LRP2: variants seen among roughly 807,000 people sequenced by gnomAD.
LRP2 encodes LDL receptor related protein 2.
Under a neutral mutation model 531.0 loss-of-function variants are expected in LRP2, and 172 were observed. The ratio of observed to expected loss-of-function variants is 0.32; its 90% CI spans 0.29 to 0.37. LRP2 has a LOEUF of 0.37. Among genes scored for constraint, LRP2 ranks in the 10% least tolerant of loss-of-function variants. LRP2 has a pLI of 1.00. For synonymous variants in LRP2, 1,992 were observed against 2,027.6 expected (o/e 0.98, Z 0.47); for missense variants, 5,167 against 5,868.3 (o/e 0.88, Z 3.90).
intron 34 of LRP2, among the ~76,000 whole-genome samples, chr2:169,217,831 A>G (rs944329035): frequency 1.8e-4 from 27 of 152,090 alleles, no homozygotes; most frequent in Admixed American, 1.4e-3. Flanking sequence ...TTGATCTTTC[A>G]TCTGCTGCTA....
Position 169,128,974 on chromosome 2 carries a change from G to T in LRP2, c.13800+39C>A, listed in dbSNP as rs757881928. The T allele has an allele frequency of 4.4e-5, 69 of 1,564,446 alleles. No individual in the cohort carries two copies. The East Asian group carries it at 1.5e-3, about 35-fold the overall frequency. On this transcript the variant is annotated intron_variant, in intron 78 of 78. Coordinates refer to ENST00000649046, the MANE Select transcript of LRP2 (RefSeq NM_004525.3). ...ATTTAACCAAGCAAATAATTTCTAA[G>T]AAAAAATGTCTGTGCTAAGAAAAAT...
At chr2:169,233,359 G>A in intron 30 of LRP2, 52 bp downstream of exon 30, 1 of 1,591,202 alleles carries the variant, frequency 6.3e-7, no homozygotes, top group Non-Finnish European at 8.6e-7. Context: ...CATTCCCAGG[G>A]TCAGTGTTTT....
At chr2:169,286,698 G>C (rs999807312) in intron 9 of LRP2, among the ~76,000 whole-genome samples, 6 of 152,142 alleles carry the variant, frequency 3.9e-5, no homozygotes, top group Non-Finnish European at 5.9e-5. Context: ...ACAAAAAACT[G>C]AGAACAGCTT....
rs375863623 is a variant in LRP2 at position 169,288,995 on chromosome 2, A to G, written c.1042+31T>C. ...GCACCCATCAGTGTACTGTAATGAA[A>G]GACAAGTAGCCGCCGCCCCCCATCA... On this transcript the variant is annotated intron_variant, in intron 9 of 78. Transcript: ENST00000649046. 92 of 1,613,138 alleles carry G rather than the reference A, an allele frequency of 5.7e-5. No homozygotes were observed. The East Asian group carries it at 1.8e-3, about 31-fold the overall frequency.
chr2:169,339,386 A>C (rs922434794), intron 1 of LRP2, among the ~76,000 whole-genome samples: 1 of 152,204 alleles, frequency 6.6e-6, no homozygotes, highest in Non-Finnish European at 1.5e-5. Flanking sequence ...TAGAAAAATA[A>C]AACTTAATTC....
chr2:169,156,156 TAA>T, intron 65 of LRP2, 116 bp downstream of exon 65: 2 of 1,393,134 alleles, frequency 1.4e-6, no homozygotes, highest in Non-Finnish European at 2.0e-6. Flanking sequence ...CTGGCGAGTT[TAA>T]AAAAAAAGAA....
At chr2:169,242,804 C>G in intron 24 of LRP2, 152 bp downstream of exon 24, 1 of 742,204 alleles carries the variant, frequency 1.3e-6, no homozygotes, top group Non-Finnish European at 2.5e-6. Flanking sequence ...AATGTCTACT[C>G]AATTTTACTG....
In LRP2 at chr2:169,238,258, T is replaced by G. The variant is rs764577743; in HGVS notation, c.4339A>C (p.Ile1447Leu). 2.8e-5 allele frequency: 46 copies of G among 1,614,050 alleles called. No homozygotes were observed. Among genetic ancestry groups the G allele is most frequent in the Non-Finnish European group, 3.1e-5 (36 of 1,180,020 alleles). ...ACCTGGGAGGTGACACTGTCGGCAA[T>G]AATTTTGTTCTGACTTGCCACAAGT... ...LLLVASQNKI[I>L]ADSVTSQVHN... The change falls in exon 27 of 79, where the codon ATT (isoleucine) becomes CTT (leucine). Residue 1447 changes from isoleucine (I) to leucine (L), a missense_variant. Ile to Leu is a conservative substitution (Grantham distance 5, BLOSUM62 2). Transcript: ENST00000649046.
chr2:169,238,166 A>C lies in LRP2; in HGVS notation c.4431T>G (p.Ser1477Arg). The change falls in exon 27 of 79, where the codon AGT (serine) becomes AGG (arginine). Residue 1477 changes from serine (S) to arginine (R), a missense_variant. Physicochemically the swap from Ser to Arg is moderately radical, Grantham distance 110. Around this residue, in one of 6 missense-constraint regions of LRP2, gnomAD observed 2,811 missense variants for 3,058.0 expected, o/e 0.92. Transcript: ENST00000649046. ...TTGCATCAGACCAAAAGATACGACC[A>C]CTAATTGAATCAAAATCAACAGCTA... ...YIVAVDFDSI[S>R]GRIFWSDATQ... The C allele has an allele frequency of 1.2e-6, 2 of 1,614,202 alleles. No homozygotes were observed. Among genetic ancestry groups the C allele is most frequent in the Non-Finnish European group, 1.7e-6 (2 of 1,180,008 alleles).
intron 3 of LRP2, among the ~76,000 whole-genome samples, chr2:169,317,369 A>G (rs1393632328): frequency 1.3e-5 from 2 of 152,222 alleles, no homozygotes; most frequent in Non-Finnish European, 2.9e-5. Flanking sequence ...TCATTTATGC[A>G]TTTAGTATCT....
chr2:169,165,563 A>C (rs1686751398), intron 62 of LRP2, among the ~76,000 whole-genome samples: 1 of 152,206 alleles, frequency 6.6e-6, no homozygotes, highest in African/African-American at 2.4e-5. Context: ...TGAAGGCTGA[A>C]GGATGATCAA....
intron 36 of LRP2, among the ~76,000 whole-genome samples, chr2:169,212,880 A>C (rs1194579683): frequency 5.3e-5 from 8 of 152,046 alleles, no homozygotes; most frequent in Admixed American, 5.2e-4. Flanking sequence ...GAACTTACTC[A>C]TGTAACCAAA....
chr2:169,285,711 C>A (rs530485194), intron 9 of LRP2, among the ~76,000 whole-genome samples: 1 of 152,268 alleles, frequency 6.6e-6, no homozygotes, highest in African/African-American at 2.4e-5. Flanking sequence ...CGATGTCATT[C>A]TGTCAACAAA....
chr2:169,159,789 G>T (rs1686506052), intron 63 of LRP2, among the ~76,000 whole-genome samples: 1 of 151,906 alleles, frequency 6.6e-6, no homozygotes, highest in Non-Finnish European at 1.5e-5. Context: ...AACCTCCATG[G>T]GTCTCACATG....
chr2:169,144,642 A>G lies in LRP2; in HGVS notation c.12988+1105T>C, dbSNP rs539332309. Reference sequence around the variant, plus strand: ...CTATTCTATTGGTAGGGTCTGGAGTATTCTGGAGTGTTTTGGTGATATACT... The same window carrying G: ...CTATTCTATTGGTAGGGTCTGGAGTGTTCTGGAGTGTTTTGGTGATATACT... On this transcript the variant is annotated intron_variant, in intron 70 of 78. Coordinates refer to ENST00000649046, the MANE Select transcript of LRP2 (RefSeq NM_004525.3). Among the ~76,000 whole-genome samples the G allele has an allele frequency of 8.5e-5, 13 of 152,308 alleles. No homozygotes were observed. The South Asian group carries it at 1.2e-3, about 15-fold the overall frequency.
At chr2:169,255,044 T>C (rs571873962) in intron 19 of LRP2, among the ~76,000 whole-genome samples, 7 of 152,306 alleles carry the variant, frequency 4.6e-5, no homozygotes, top group African/African-American at 1.7e-4. Flanking sequence ...ATTCCACACA[T>C]ACATTCTATG....
chr2:169,185,284 T>C (rs1451732414), intron 50 of LRP2, among the ~76,000 whole-genome samples: 1 of 152,238 alleles, frequency 6.6e-6, no homozygotes, highest in Non-Finnish European at 1.5e-5. Context: ...GCAATTCCTC[T>C]TTCCATAAAA....
At position 169,205,598 on chromosome 2, in the gene LRP2, G is replaced by A. The variant is rs746489778; in HGVS notation, c.7596C>T (p.Ile2532=). The A allele has an allele frequency of 9.3e-6, 15 of 1,613,376 alleles. No homozygotes were observed. Among genetic ancestry groups the A allele is most frequent in the Non-Finnish European group, 1.3e-5 (15 of 1,179,956 alleles). The change falls in exon 41 of 79, where the codon ATC becomes ATT. Residue 2532 remains isoleucine, a synonymous_variant. Coordinates refer to ENST00000649046, the MANE Select transcript of LRP2 (RefSeq NM_004525.3). The part of the protein sequence containing the change: ...YWADWDTHAK[I]ERATLGGNFR... ...AGTTTCCTCCCAATGTGGCTCTCTC[G>A]ATTTTGGCATGTGTATCCCAGTCAG...
intron 16 of LRP2, among the ~76,000 whole-genome samples, chr2:169,265,039 C>T (rs1339378235): frequency 6.6e-6 from 1 of 152,020 alleles, no homozygotes; most frequent in Non-Finnish European, 1.5e-5. Context: ...CTCCCCACAT[C>T]TTCCCCTTAC....
Sources: allele counts gnomAD v4.1 joint callset (sites outside exome capture counted in the v4.1 genomes callset), GRCh38; gene constraint gnomAD v4.1.1; regional missense constraint gnomAD v4.1.1; transcripts MANE v1.5; gene names NCBI Gene and HGNC (gene_info 2026-07-23, HGNC 2026-07-21).